Variants in RDH10 observed in about 807,000 individuals in gnomAD.
The protein encoded by RDH10 is retinol dehydrogenase 10 (all-trans).
A neutral mutation model predicts 30.2 loss-of-function variants in RDH10; 12 were observed. The ratio of observed to expected loss-of-function variants is 0.40; its 90% CI spans 0.25 to 0.64. RDH10 has a LOEUF of 0.64. RDH10 is among the 30% of genes least tolerant of loss of function. The pLI, the probability that RDH10 is intolerant of heterozygous loss-of-function variation, is 0.43. For synonymous variants in RDH10, 189 were observed against 172.2 expected (o/e 1.10, Z -0.76); for missense variants, 268 against 445.2 (o/e 0.60, Z 3.58).
intron 2 of RDH10, chr8:73,298,017 G>C (rs1196068978): frequency 6.4e-6 from 1 of 155,924 alleles, no homozygotes; most frequent in Admixed American, 6.1e-5. Flanking sequence ...AGAGGGAGGC[G>C]AGGTGGTGAA....
chr8:73,316,848 C>T (rs911174205), intron 2 of RDH10, among the ~76,000 whole-genome samples: 2 of 152,074 alleles, frequency 1.3e-5, no homozygotes, highest in African/African-American at 2.4e-5. Flanking sequence ...TTAAACAACC[C>T]GATCTCGCAA....
At chr8:73,307,006 GT>G (rs1239494341) in intron 2 of RDH10, among the ~76,000 whole-genome samples, 1 of 152,140 alleles carries the variant, frequency 6.6e-6, no homozygotes, top group Non-Finnish European at 1.5e-5. Flanking sequence ...TTTCTTAAGG[GT>G]TTTTTACATG....
chr8:73,320,467 T>C (rs964412983), intron 3 of RDH10, among the ~76,000 whole-genome samples: 1 of 126,410 alleles, frequency 7.9e-6, no homozygotes, highest in African/African-American at 3.6e-5. Context: ...GTTTTTGTTT[T>C]TGTTTTTGTT....
At chr8:73,301,840 A>G (rs1013735659) in intron 2 of RDH10, among the ~76,000 whole-genome samples, 5 of 152,038 alleles carry the variant, frequency 3.3e-5, no homozygotes, top group Non-Finnish European at 7.4e-5. Flanking sequence ...CCTTGTTGTC[A>G]CTCATATTTT....
chr8:73,306,387 T>G (rs1053516976), intron 2 of RDH10, among the ~76,000 whole-genome samples: 3 of 152,268 alleles, frequency 2.0e-5, no homozygotes, highest in Non-Finnish European at 4.4e-5. Context: ...TTTTTCTTCT[T>G]TTTTACTTTA....
chr8:73,301,286 G>A (rs1194977682), intron 2 of RDH10, among the ~76,000 whole-genome samples: 5 of 149,558 alleles, frequency 3.3e-5, no homozygotes, highest in Admixed American at 2.7e-4. Flanking sequence ...TCCTGACCTC[G>A]TGATCCGCCC....
intron 1 of RDH10, 129 bp downstream of exon 1, chr8:73,295,707 T>A: frequency 1.9e-6 from 2 of 1,028,584 alleles, no homozygotes; most frequent in Non-Finnish European, 2.7e-6. Context: ...CCACCGGTCT[T>A]TTGGGAGACG....
intron 3 of RDH10, 38 bp from the exon 4 acceptor site, chr8:73,320,894 A>G: frequency 6.2e-7 from 1 of 1,611,210 alleles, no homozygotes; most frequent in Non-Finnish European, 8.5e-7. Context: ...ATAGGGGCAT[A>G]TGCTTAGTAT....
At chr8:73,311,177 C>T (rs1433607357) in intron 2 of RDH10, 1 of 152,138 alleles carries the variant, frequency 6.6e-6, no homozygotes, top group African/African-American at 2.4e-5. Context: ...GATGAAAAAA[C>T]TTTGGACATC....
intron 1 of RDH10, among the ~76,000 whole-genome samples, chr8:73,296,835 A>T (rs1814274841): frequency 6.6e-6 from 1 of 152,146 alleles, no homozygotes; most frequent in Non-Finnish European, 1.5e-5. Context: ...CCAAAAAAAG[A>T]GGAGTGTGTA....
intron 2 of RDH10, among the ~76,000 whole-genome samples, chr8:73,309,219 G>A (rs1381539611): frequency 2.6e-5 from 4 of 152,154 alleles, no homozygotes; most frequent in African/African-American, 9.7e-5. Context: ...CTGAATGGTT[G>A]CTCTGCCCAG....
chr8:73,302,441 T>C (rs778509178), intron 2 of RDH10, among the ~76,000 whole-genome samples: 4 of 152,182 alleles, frequency 2.6e-5, no homozygotes, highest in Non-Finnish European at 5.9e-5. Flanking sequence ...ATCCCAACAC[T>C]TTGGGAGGCC....
intron 3 of RDH10, among the ~76,000 whole-genome samples, 185 bp downstream of exon 3, chr8:73,319,379 G>A (rs1814726572): frequency 6.6e-6 from 1 of 152,148 alleles, no homozygotes; most frequent in Non-Finnish European, 1.5e-5. Flanking sequence ...GGAATTCTAT[G>A]TCAGGTGTGG....
At chr8:73,321,657 AT>A (rs1308768694) in intron 4 of RDH10, 1 of 370,286 alleles carries the variant, frequency 2.7e-6, no homozygotes, top group Non-Finnish European at 5.4e-6. Context: ...GGGAATATAA[AT>A]GTCAAGTTAC....
intron 2 of RDH10, among the ~76,000 whole-genome samples, chr8:73,318,353 C>G (rs1814710916): frequency 6.6e-6 from 1 of 152,152 alleles, no homozygotes; most frequent in African/African-American, 2.4e-5. Context: ...CCTCTGGGTC[C>G]CCCAGCCTGG....
At chr8:73,309,367 C>T (rs1053864427) in intron 2 of RDH10, among the ~76,000 whole-genome samples, 3 of 152,046 alleles carry the variant, frequency 2.0e-5, no homozygotes, top group Non-Finnish European at 4.4e-5. Flanking sequence ...TTTCTTTTTT[C>T]AGTTCTCATA....
At chr8:73,318,848 G>GA (rs1473042184) in intron 2 of RDH10, among the ~76,000 whole-genome samples, 2 of 152,196 alleles carry the variant, frequency 1.3e-5, no homozygotes, top group African/African-American at 4.8e-5. Context: ...TTTATCTCTA[G>GA]ACACTGTCCC....
At chr8:73,318,630 T>C (rs558766386) in intron 2 of RDH10, among the ~76,000 whole-genome samples, 1 of 152,288 alleles carries the variant, frequency 6.6e-6, no homozygotes, top group East Asian at 1.9e-4. Flanking sequence ...ATCTCTTCAT[T>C]GATAGGTCTA....
intron 3 of RDH10, 85 bp from the exon 4 acceptor site, chr8:73,320,847 T>C: frequency 7.6e-7 from 1 of 1,322,248 alleles, no homozygotes; most frequent in East Asian, 2.3e-5. Context: ...CATCTAAACA[T>C]GGTAATAGGA....
Sources: gnomAD v4.1 joint callset for allele counts (sites outside exome capture counted in the v4.1 genomes callset) on GRCh38, gnomAD v4.1.1 for gene constraint, MANE v1.5 for transcripts, NCBI Gene and HGNC (gene_info 2026-07-23, HGNC 2026-07-21) for gene names.